The following RBFOX3 variants were observed in gnomAD, a reference collection of about 807,000 sequenced individuals.
The protein encoded by RBFOX3 is RNA binding protein fox-1 homolog 3.
RBFOX3 carries 17 observed loss-of-function variants against 48.7 expected under a neutral mutation model. The observed-to-expected ratio is 0.35, with a 90% CI of 0.24 to 0.52. The LOEUF is 0.52. RBFOX3 is among the 20% of genes least tolerant of loss of function. RBFOX3 has a pLI of 0.94. For synonymous variants in RBFOX3, 212 were observed against 209.5 expected (o/e 1.01, Z -0.10); for missense variants, 382 against 497.5 (o/e 0.77, Z 2.21).
intron 3 of RBFOX3, among the ~76,000 whole-genome samples, chr17:79,301,498 G>A (rs985577729): frequency 9.8e-5 from 15 of 152,336 alleles, no homozygotes; most frequent in African/African-American, 2.9e-4. Context: ...ACAAGGCTCC[G>A]GCCCTGCTCA....
intron 10 of RBFOX3, 40 bp downstream of exon 10, chr17:79,097,652 A>C (rs59021665): frequency 4.3e-6 from 6 of 1,402,492 alleles, no homozygotes; most frequent in Non-Finnish European, 5.9e-6. Flanking sequence ...GGGGCCAAGT[A>C]GCTGGTCTCA....
chr17:79,094,500 G>C lies in RBFOX3; in HGVS notation c.1028C>G (p.Pro343Arg), dbSNP rs1208480613. The change falls in exon 14 of 15, where the codon CCG becomes CGG. Residue 343 changes from proline to arginine, a missense_variant. Around this residue, in one of 3 missense-constraint regions of RBFOX3, gnomAD observed 215 missense variants for 254.8 expected, o/e 0.84. Transcript: ENST00000693108. ...CGCGGGCCCGATGGTGTGATGGTAC[G>C]GGTCGGCAGCTGCGTAGACTCTGCC... ...SYGRVYAAAD[P>R]YHHTIGPAAT... is the part of the protein sequence containing the mutation. The C allele has an allele frequency of 2.1e-6, 3 of 1,462,822 alleles. No homozygotes were observed. Among genetic ancestry groups the C allele is most frequent in the Non-Finnish European group, 2.7e-6 (3 of 1,107,386 alleles). 90.6% of individuals were successfully genotyped at this position (1,462,822 alleles called of 1,614,324 possible). A position where few individuals can be genotyped will look rare whatever the true frequency, so the allele number is the denominator to read the frequency against.
rs187277845 is a variant in RBFOX3, at chr17:79,434,462, G to A, written c.-175+47992C>T. Among the ~76,000 whole-genome samples the A allele has an allele frequency of 2.2e-3, 336 of 152,284 alleles. 4 individuals are homozygous for A. The highest frequency in any genetic ancestry group is 7.9e-3 in the African/African-American group (327 of 41,568). Reference sequence around the variant, plus strand: ...CCATGCCCCCAACTTCCAAGGAGGAGGAGTCTGGAAGTGTTGGAAACACCT... The same window carrying A: ...CCATGCCCCCAACTTCCAAGGAGGAAGAGTCTGGAAGTGTTGGAAACACCT... On this transcript the variant is annotated intron_variant, in intron 2 of 14. Transcript: ENST00000693108.
chr17:79,400,837 G>A (rs2062707356), intron 2 of RBFOX3, among the ~76,000 whole-genome samples: 1 of 152,148 alleles, frequency 6.6e-6, no homozygotes, highest in Non-Finnish European at 1.5e-5. Context: ...CACCTCCGAA[G>A]CCAAAACCGA....
At chr17:79,511,111 A>G (rs2084111986) in intron 1 of RBFOX3, among the ~76,000 whole-genome samples, 1 of 152,170 alleles carries the variant, frequency 6.6e-6, no homozygotes, top group South Asian at 2.1e-4. Flanking sequence ...AGGGGCACCA[A>G]GGTCAAGCAG....
intron 2 of RBFOX3, among the ~76,000 whole-genome samples, chr17:79,369,626 C>T (rs958136557): frequency 6.6e-6 from 1 of 152,172 alleles, no homozygotes; most frequent in Non-Finnish European, 1.5e-5. Flanking sequence ...CCTGCCACCA[C>T]CATCTTGGTC....
At position 79,234,721 on chromosome 17, in the gene RBFOX3, C is replaced by CTTTTTTTTTT. The variant is rs71161654; in HGVS notation, c.-34+1035_-34+1044dup. On this transcript the variant is annotated intron_variant, in intron 4 of 14. Coordinates refer to ENST00000693108, the MANE Select transcript of RBFOX3 (RefSeq NM_001350451.2). ...TTGGGTTTATTGGGGGCATTAAGTG[C>CTTTTTTTTTT]TTTTTTTTTTTTTTTTTTTTTTTTT... 38 of 61,832 alleles carry CTTTTTTTTTT rather than the reference C, an allele frequency of 6.1e-4. 9 individuals carry two copies. The highest frequency in any genetic ancestry group is 2.7e-3 in the African/African-American group (34 of 12,592). 3.8% of individuals were successfully genotyped at this position (61,832 alleles called of 1,614,324 possible).
At chr17:79,264,947 G>A (rs1473676703) in intron 3 of RBFOX3, among the ~76,000 whole-genome samples, 2 of 150,236 alleles carry the variant, frequency 1.3e-5, no homozygotes, top group South Asian at 2.1e-4. Context: ...TGCCCTTGGA[G>A]ACCCTCAGTG....
At chr17:79,519,792 G>A (rs2085788997) in intron 1 of RBFOX3, among the ~76,000 whole-genome samples, 1 of 152,120 alleles carries the variant, frequency 6.6e-6, no homozygotes, top group African/African-American at 2.4e-5. Flanking sequence ...GTAAAACTCT[G>A]GACACCAGGG....
chr17:79,414,485 C>G (rs558664975), intron 2 of RBFOX3, among the ~76,000 whole-genome samples: 1 of 152,208 alleles, frequency 6.6e-6, no homozygotes, highest in Non-Finnish European at 1.5e-5. Context: ...CGGGACGGTG[C>G]CCCGTGTGTC....
At chr17:79,276,411 C>T (rs1042472208) in intron 3 of RBFOX3, among the ~76,000 whole-genome samples, 1 of 152,192 alleles carries the variant, frequency 6.6e-6, no homozygotes, top group Non-Finnish European at 1.5e-5. Context: ...CTTGACCAGG[C>T]GCGGTGGTTC....
At position 79,575,035 on chromosome 17, in the gene RBFOX3, C is replaced by G. The variant is rs1021340545; in HGVS notation, c.-320+35791G>C. Among the ~76,000 whole-genome samples, 128 of 152,324 alleles carry G rather than the reference C, an allele frequency of 8.4e-4. 4 individuals are homozygous for G. In the South Asian group the frequency reaches 0.019, roughly 23 times the overall value. On this transcript the variant is annotated intron_variant, in intron 1 of 14. Transcript: ENST00000693108. ...CCCAACTTTGAGTGCATACTGGAAC[C>G]AGCCAAGGAGTTTCAAAATGACTGC...
At chr17:79,300,766 C>T (rs1028534437) in intron 3 of RBFOX3, among the ~76,000 whole-genome samples, 9 of 152,194 alleles carry the variant, frequency 5.9e-5, no homozygotes, top group Admixed American at 3.9e-4. Flanking sequence ...GACACCCAGA[C>T]GTGACCCTGT....
At chr17:79,142,148 C>T (rs922676324) in intron 4 of RBFOX3, among the ~76,000 whole-genome samples, 1 of 152,244 alleles carries the variant, frequency 6.6e-6, no homozygotes, top group African/African-American at 2.4e-5. Flanking sequence ...AAAACACAAC[C>T]TTGCAGTAAA....
At chr17:79,326,191 T>C (rs1476936723) in intron 2 of RBFOX3, among the ~76,000 whole-genome samples, 3 of 152,134 alleles carry the variant, frequency 2.0e-5, no homozygotes, top group Non-Finnish European at 2.9e-5. Context: ...GGGTGGATGG[T>C]GGTGGGCCCC....
In RBFOX3 at chr17:79,182,344, C is replaced by T. The variant is rs560851074; in HGVS notation, c.-34+53422G>A. Among the ~76,000 whole-genome samples, 4 of 152,318 alleles carry T rather than the reference C, an allele frequency of 2.6e-5. No homozygotes were observed. The East Asian group carries it at 7.8e-4, about 30-fold the overall frequency. Reference sequence around the variant, plus strand: ...CACAGCGCCAGGAGGAAGAGACAGGCCCAGAGATGTGGGCAGCCAGGGTGG... The same window carrying T: ...CACAGCGCCAGGAGGAAGAGACAGGTCCAGAGATGTGGGCAGCCAGGGTGG... On this transcript the variant is annotated intron_variant, in intron 4 of 14. Transcript: ENST00000693108.
chr17:79,339,369 G>C (rs572547443), intron 2 of RBFOX3, among the ~76,000 whole-genome samples: 1 of 152,234 alleles, frequency 6.6e-6, no homozygotes, highest in Admixed American at 6.5e-5. Flanking sequence ...ATTCTTAGTC[G>C]CGCTGAAGCT....
the RBFOX3 span, among the ~76,000 whole-genome samples, chr17:79,620,601 ACG>A: frequency 2.7e-5 from 4 of 146,602 alleles, no homozygotes; most frequent in African/African-American, 1.0e-4. Flanking sequence ...ACACGCACGC[ACG>A]CACACATGCA....
At chr17:79,294,438 G>A (rs2145045071) in intron 3 of RBFOX3, among the ~76,000 whole-genome samples, 1 of 152,266 alleles carries the variant, frequency 6.6e-6, no homozygotes, top group Admixed American at 6.5e-5. Context: ...AGCCTCCCGA[G>A]TAGCTGGGAC....
Sources: gnomAD v4.1 joint callset for allele counts (sites outside exome capture counted in the v4.1 genomes callset) on GRCh38, gnomAD v4.1.1 for gene constraint, gnomAD v4.1.1 regional missense constraint, MANE v1.5 for transcripts, NCBI Gene and HGNC (gene_info 2026-07-23, HGNC 2026-07-21) for gene names.